The following UPP2 variants were observed in gnomAD, a reference collection of about 807,000 sequenced individuals.
The protein encoded by UPP2 is uridine phosphorylase 2, also known as UPase 2.
Under a neutral mutation model 26.7 loss-of-function variants are expected in UPP2, and 23 were observed. The observed-to-expected ratio is 0.86, with a 90% CI of 0.62 to 1.22. UPP2 has a LOEUF of 1.22. UPP2 is among the 50% of genes most tolerant of loss of function. The probability of loss-of-function intolerance (pLI) is 0.00; values close to 1 mark genes in which losing one functional copy is unlikely to be tolerated. For synonymous variants in UPP2, 127 were observed against 141.3 expected (o/e 0.90, Z 0.72); for missense variants, 387 against 396.7 (o/e 0.98, Z 0.21).
chr2:158,131,070 T>C (rs962154508), intron 6 of UPP2, among the ~76,000 whole-genome samples: 7 of 152,224 alleles, frequency 4.6e-5, no homozygotes, highest in Admixed American at 3.9e-4. Flanking sequence ...CTCTGGGTTG[T>C]TGATTAAAAA....
chr2:157,997,755 A>G (rs1421817197), intron 2 of UPP2, among the ~76,000 whole-genome samples: 1 of 152,150 alleles, frequency 6.6e-6, no homozygotes, highest in Non-Finnish European at 1.5e-5. Flanking sequence ...GTGTGTGATG[A>G]GGCATTTAGA....
intron 3 of UPP2, among the ~76,000 whole-genome samples, chr2:158,037,442 G>C (rs1684021206): frequency 6.6e-6 from 1 of 152,126 alleles, no homozygotes; most frequent in Non-Finnish European, 1.5e-5. Context: ...TTGTAATAAA[G>C]TAGCACAAAC....
intron 3 of UPP2, among the ~76,000 whole-genome samples, chr2:158,031,355 C>A (rs952734494): frequency 6.6e-6 from 1 of 152,188 alleles, no homozygotes; most frequent in Non-Finnish European, 1.5e-5. Context: ...CCTAAACCTA[C>A]GTAAGGCATT....
chr2:158,129,665 CA>C (rs1683768174), intron 6 of UPP2, among the ~76,000 whole-genome samples: 1 of 149,968 alleles, frequency 6.7e-6, no homozygotes, highest in South Asian at 2.1e-4. Context: ...GCATTTGTGG[CA>C]GCTTTCAATG....
intron 3 of UPP2, among the ~76,000 whole-genome samples, chr2:158,039,278 T>C (rs559279544): frequency 7.5e-4 from 114 of 152,322 alleles, no homozygotes; most frequent in African/African-American, 2.2e-3. Context: ...CAGGAGATTG[T>C]GTTCCTGTGC....
intron 3 of UPP2, among the ~76,000 whole-genome samples, chr2:158,049,078 CT>C: frequency 1.3e-5 from 2 of 152,334 alleles, no homozygotes; most frequent in East Asian, 3.9e-4. Flanking sequence ...TTGCCCACCC[CT>C]CATCACAATT....
intron 3 of UPP2, among the ~76,000 whole-genome samples, chr2:158,070,271 A>G (rs1029662338): frequency 1.3e-5 from 2 of 152,236 alleles, no homozygotes; most frequent in Admixed American, 1.3e-4. Context: ...ACCCCCAAGC[A>G]TTCAGCAGCT....
chr2:158,075,227 A>G (rs1682612287), intron 3 of UPP2, among the ~76,000 whole-genome samples: 1 of 152,128 alleles, frequency 6.6e-6, no homozygotes, highest in South Asian at 2.1e-4. Flanking sequence ...CAGAAAGAAA[A>G]TTAACAAAGA....
intron 3 of UPP2, among the ~76,000 whole-genome samples, chr2:158,071,550 C>CA (rs56926948): frequency 0.01 from 679 of 65,468 alleles, 55 homozygotes; most frequent in East Asian, 0.022. Flanking sequence ...GATTCTGTCT[C>CA]AAAAAAAAAA....
At position 158,135,649 on chromosome 2, in the gene UPP2, C is replaced by T. The variant is rs1683916017; in HGVS notation, c.*759C>T. ...ATTTTTTATTCCATTTCAATATTAACCAAATAGGCTGAGAAATTCATAGCA... is the reference window on the plus strand; with the variant it reads ...ATTTTTTATTCCATTTCAATATTAATCAAATAGGCTGAGAAATTCATAGCA... On this transcript the variant is annotated 3_prime_UTR_variant, in exon 7 of 7. Coordinates refer to ENST00000005756, the MANE Select transcript of UPP2 (RefSeq NM_173355.4). 1 of 152,106 alleles carries T rather than the reference C, an allele frequency of 6.6e-6. No homozygotes were observed. The highest frequency in any genetic ancestry group is 1.5e-5 in the Non-Finnish European group (1 of 68,008). 9.4% of individuals were successfully genotyped at this position (152,106 alleles called of 1,614,324 possible).
chr2:158,079,480 G>A (rs1331747004), intron 3 of UPP2, among the ~76,000 whole-genome samples: 1 of 151,998 alleles, frequency 6.6e-6, no homozygotes, highest in East Asian at 1.9e-4. Flanking sequence ...AACTAACATT[G>A]TTATAAAATG....
intron 2 of UPP2, among the ~76,000 whole-genome samples, chr2:158,006,883 T>C (rs1009928444): frequency 3.3e-5 from 5 of 152,142 alleles, no homozygotes; most frequent in African/African-American, 1.2e-4. Flanking sequence ...TAAGACAGGG[T>C]CAGGAAAGGT....
At chr2:158,035,987 AAGCTCCTG>A (rs1267894092) in intron 3 of UPP2, among the ~76,000 whole-genome samples, 1 of 152,178 alleles carries the variant, frequency 6.6e-6, no homozygotes, top group East Asian at 1.9e-4. Context: ...AAAATTTACC[AAGCTCCTG>A]GAGATGTTGT....
intron 2 of UPP2, among the ~76,000 whole-genome samples, chr2:158,003,902 G>C (rs1300326774): frequency 1.3e-5 from 2 of 151,884 alleles, no homozygotes; most frequent in African/African-American, 4.8e-5. Context: ...TCTAAGTGCT[G>C]GATTGTTTCA....
At chr2:158,015,836 G>A (rs760309285) in exon 3 of UPP2, 10 of 453,200 alleles carry the variant, frequency 2.2e-5, no homozygotes, top group Middle Eastern at 1.4e-3. Flanking sequence ...CACCATGATT[G>A]TAAGTGTCCT....
intron 3 of UPP2, among the ~76,000 whole-genome samples, chr2:158,069,630 A>G (rs1283217307): frequency 2.0e-5 from 3 of 152,290 alleles, no homozygotes; most frequent in Non-Finnish European, 2.9e-5. Context: ...CTGGTGAGGC[A>G]TGTCCCTATG....
At chr2:158,037,333 C>T (rs964554213) in intron 3 of UPP2, among the ~76,000 whole-genome samples, 1 of 151,980 alleles carries the variant, frequency 6.6e-6, no homozygotes, top group Non-Finnish European at 1.5e-5. Context: ...CGAGATTGTG[C>T]CATTGCACTC....
chr2:158,016,299 T>G (rs1331445386), intron 3 of UPP2, among the ~76,000 whole-genome samples: 1 of 151,996 alleles, frequency 6.6e-6, no homozygotes, highest in African/African-American at 2.4e-5. Flanking sequence ...TTCATAGAGG[T>G]TTATGGATGA....
chr2:158,072,277 TTG>T (rs1380731835), intron 3 of UPP2, among the ~76,000 whole-genome samples: 1 of 151,898 alleles, frequency 6.6e-6, no homozygotes, highest in Non-Finnish European at 1.5e-5. Context: ...AGGAAAGACT[TTG>T]TTTTGTGGTT....
Sources: gnomAD v4.1 joint callset for allele counts (sites outside exome capture counted in the v4.1 genomes callset) on GRCh38, gnomAD v4.1.1 for gene constraint, MANE v1.5 for transcripts, NCBI Gene and HGNC (gene_info 2026-07-23, HGNC 2026-07-21) for gene names.